GRIK2: variants seen among roughly 807,000 people sequenced by gnomAD.
The protein encoded by GRIK2 is glutamate receptor ionotropic, kainate 2.
A neutral mutation model predicts 100.3 loss-of-function variants in GRIK2; 32 were observed. The observed-to-expected ratio is 0.32, with a 90% CI of 0.24 to 0.43. The LOEUF is 0.43. Among genes scored for constraint, GRIK2 ranks in the 20% least tolerant of loss-of-function variants. The pLI is 1.00. For synonymous variants in GRIK2, 417 were observed against 389.4 expected, an observed-to-expected ratio of 1.07 and a Z score of -0.83; for missense variants, 843 against 1,114.9, an observed-to-expected ratio of 0.76 and a Z score of 3.47.
intron 8 of GRIK2, among the ~76,000 whole-genome samples, chr6:101,801,356 T>G (rs1055104771): frequency 2.0e-5 from 3 of 152,054 alleles, no homozygotes; most frequent in Non-Finnish European, 4.4e-5. Flanking sequence ...AGCAAAGACA[T>G]GTTGCAATAT....
At chr6:101,834,193 T>C (rs1012708329) in intron 10 of GRIK2, among the ~76,000 whole-genome samples, 7 of 152,224 alleles carry the variant, frequency 4.6e-5, no homozygotes, top group East Asian at 3.9e-4. Context: ...TTACTGAATC[T>C]CTTTCTCACA....
chr6:101,988,228 TA>T (rs1168623972), intron 14 of GRIK2, among the ~76,000 whole-genome samples: 1 of 151,594 alleles, frequency 6.6e-6, no homozygotes, highest in Admixed American at 6.6e-5. Context: ...GAGTGACTAC[TA>T]AAAATTAATC....
intron 2 of GRIK2, among the ~76,000 whole-genome samples, chr6:101,498,691 C>T (rs934040754): frequency 4.0e-5 from 6 of 151,658 alleles, no homozygotes; most frequent in African/African-American, 1.5e-4. Flanking sequence ...TGTTCATATC[C>T]TTTGCCCACT....
intron 2 of GRIK2, among the ~76,000 whole-genome samples, chr6:101,443,495 A>G (rs888334122): frequency 1.3e-5 from 2 of 152,176 alleles, no homozygotes; most frequent in African/African-American, 2.4e-5. Flanking sequence ...ACAAGTGGAT[A>G]CAGGTTTCTG....
chr6:101,581,527 A>G (rs1258528216), intron 2 of GRIK2, among the ~76,000 whole-genome samples: 3 of 152,052 alleles, frequency 2.0e-5, no homozygotes, highest in Non-Finnish European at 4.4e-5. Context: ...TGCATCCTTC[A>G]ATCCAATTAA....
intron 11 of GRIK2, among the ~76,000 whole-genome samples, chr6:101,868,288 G>A (rs940352996): frequency 6.6e-6 from 1 of 150,954 alleles, no homozygotes; most frequent in African/African-American, 2.4e-5. Flanking sequence ...GAATTTCATC[G>A]CTCAAACAAA....
At chr6:101,908,706 T>C (rs2051446) in intron 12 of GRIK2, among the ~76,000 whole-genome samples, 128,317 of 151,190 alleles carry the variant, frequency 0.85, 54,582 homozygotes, top group East Asian at 0.94. Context: ...GTGTAATATG[T>C]TTAACAAATG....
chr6:101,932,720 T>C (rs1210561348), intron 14 of GRIK2, among the ~76,000 whole-genome samples: 1 of 151,980 alleles, frequency 6.6e-6, no homozygotes, highest in Non-Finnish European at 1.5e-5. Context: ...TTTGTATCTC[T>C]AGTTCTTGGC....
At chr6:101,561,685 C>G (rs1453905801) in intron 2 of GRIK2, among the ~76,000 whole-genome samples, 1 of 151,882 alleles carries the variant, frequency 6.6e-6, no homozygotes, top group African/African-American at 2.4e-5. Flanking sequence ...GAAAAATCTG[C>G]TGAACTTGAG....
At chr6:102,008,514 C>T (rs561916411) in intron 14 of GRIK2, among the ~76,000 whole-genome samples, 49 of 151,932 alleles carry the variant, frequency 3.2e-4, no homozygotes, top group African/African-American at 1.2e-3. Context: ...GCACAAATTA[C>T]AATTAACAAA....
intron 7 of GRIK2, among the ~76,000 whole-genome samples, chr6:101,696,697 A>G (rs1041223340): frequency 6.6e-6 from 1 of 151,844 alleles, no homozygotes; most frequent in Admixed American, 6.6e-5. Flanking sequence ...TCAAGACATC[A>G]TGGGGCAGTT....
chr6:102,007,731 A>G (rs936245100), intron 14 of GRIK2, among the ~76,000 whole-genome samples: 1 of 152,122 alleles, frequency 6.6e-6, no homozygotes, highest in African/African-American at 2.4e-5. Context: ...TACAAATTGC[A>G]AAAAAGAAAG....
chr6:101,944,239 C>A (rs1439138887), intron 14 of GRIK2, among the ~76,000 whole-genome samples: 1 of 152,132 alleles, frequency 6.6e-6, no homozygotes, highest in African/African-American at 2.4e-5. Flanking sequence ...CTCAATTAAA[C>A]CTCTTTTCTT....
At chr6:101,719,138 G>GTTTTTTTTTTTTT (rs60301711) in intron 7 of GRIK2, among the ~76,000 whole-genome samples, 15 of 101,144 alleles carry the variant, frequency 1.5e-4, no homozygotes, top group African/African-American at 4.5e-4. Context: ...GGCTGCAAGG[G>GTTTTTTTTTTTTT]TTTTTTTTTT....
At chr6:101,965,114 G>T (rs1343600944) in intron 14 of GRIK2, among the ~76,000 whole-genome samples, 1 of 152,074 alleles carries the variant, frequency 6.6e-6, no homozygotes, top group Admixed American at 6.6e-5. Context: ...ACCAAACCCT[G>T]CTTTTGCTAT....
chr6:101,726,988 T>C (rs767943483), intron 7 of GRIK2, among the ~76,000 whole-genome samples: 3 of 152,078 alleles, frequency 2.0e-5, no homozygotes, highest in Non-Finnish European at 4.4e-5. Flanking sequence ...ATTACAGATA[T>C]TAATTTTTAA....
At chr6:101,642,902 T>TA (rs1023850669) in intron 4 of GRIK2, among the ~76,000 whole-genome samples, 1 of 151,698 alleles carries the variant, frequency 6.6e-6, no homozygotes, top group African/African-American at 2.4e-5. Context: ...TATATATATA[T>TA]TTTAATTGTA....
At chr6:102,009,377 C>T (rs1356707276) in intron 14 of GRIK2, among the ~76,000 whole-genome samples, 1 of 152,040 alleles carries the variant, frequency 6.6e-6, no homozygotes, top group Non-Finnish European at 1.5e-5. Context: ...ATTTGCATTT[C>T]CTGAAACTAT....
intron 14 of GRIK2, among the ~76,000 whole-genome samples, chr6:101,970,435 C>T (rs1792971659): frequency 6.6e-6 from 1 of 151,996 alleles, no homozygotes. Flanking sequence ...CAGGTCAACC[C>T]CACAGACAGT....
Sources: allele counts gnomAD v4.1 joint callset (sites outside exome capture counted in the v4.1 genomes callset), GRCh38; gene constraint gnomAD v4.1.1; transcripts MANE v1.5; gene names NCBI Gene and HGNC (gene_info 2026-07-23, HGNC 2026-07-21).